Variants in CAST observed in about 807,000 individuals in gnomAD.
The protein encoded by CAST is MIR583 host.
Under a neutral mutation model 119.6 loss-of-function variants are expected in CAST, and 76 were observed. That is an observed-to-expected ratio of 0.64 (90% CI 0.53 to 0.77). The LOEUF is 0.77. Among genes scored for constraint, CAST ranks in the 30% least tolerant of loss-of-function variants. The probability of loss-of-function intolerance (pLI) is 0.00; values close to 1 mark genes in which losing one functional copy is unlikely to be tolerated. For synonymous variants in CAST, 319 were observed against 331.6 expected (o/e 0.96, Z 0.41); for missense variants, 953 against 946.5 (o/e 1.01, Z -0.09).
chr5:96,608,795 G>A (rs1370862914), intron 1 of CAST, among the ~76,000 whole-genome samples: 2 of 152,180 alleles, frequency 1.3e-5, no homozygotes, highest in Non-Finnish European at 2.9e-5. Flanking sequence ...GGAATGTGAA[G>A]AGGAAGGAGG....
At chr5:96,135,708 C>T in the CAST span, among the ~76,000 whole-genome samples, 1 of 152,092 alleles carries the variant, frequency 6.6e-6, no homozygotes, top group East Asian at 1.9e-4. Context: ...TCCTCACCTC[C>T]AACCTCCATT....
At chr5:96,640,306 G>GAA (rs753745046) in intron 1 of CAST, among the ~76,000 whole-genome samples, 2 of 152,172 alleles carry the variant, frequency 1.3e-5, no homozygotes, top group Admixed American at 6.5e-5. Flanking sequence ...TCTAGAGATG[G>GAA]AAGGATGGAT....
intron 3 of CAST, among the ~76,000 whole-genome samples, chr5:96,699,201 T>C (rs1480144849): frequency 6.6e-6 from 1 of 152,244 alleles, no homozygotes; most frequent in Non-Finnish European, 1.5e-5. Flanking sequence ...CCATAACCAG[T>C]CATGCAATTT....
the CAST span, among the ~76,000 whole-genome samples, chr5:96,511,729 C>T: frequency 2.0e-5 from 3 of 152,236 alleles, no homozygotes; most frequent in Non-Finnish European, 2.9e-5. Flanking sequence ...CAACACTAGC[C>T]TCTGGGCTTC....
At chr5:96,451,306 T>A in the CAST span, among the ~76,000 whole-genome samples, 1 of 152,014 alleles carries the variant, frequency 6.6e-6, no homozygotes, top group Non-Finnish European at 1.5e-5. Flanking sequence ...AATAAATAAG[T>A]AAAGTAATAC....
the CAST span, among the ~76,000 whole-genome samples, chr5:96,316,848 G>T: frequency 6.6e-6 from 1 of 152,136 alleles, no homozygotes; most frequent in African/African-American, 2.4e-5. Flanking sequence ...TAACTTAATT[G>T]CCAAGTAAAT....
chr5:96,516,368 TA>T, the CAST span, among the ~76,000 whole-genome samples: 250 of 149,490 alleles, frequency 1.7e-3, 6 homozygotes, highest in East Asian at 0.043. Flanking sequence ...TATGTGAAAA[TA>T]AAAAAAAAAT....
chr5:96,676,401 A>T (rs952080656), intron 2 of CAST, among the ~76,000 whole-genome samples: 1 of 152,146 alleles, frequency 6.6e-6, no homozygotes, highest in Non-Finnish European at 1.5e-5. Context: ...TATCAACATT[A>T]ATCAGGTGTT....
chr5:96,408,227 C>T, the CAST span: 2 of 1,612,010 alleles, frequency 1.2e-6, no homozygotes, highest in South Asian at 2.2e-5. Flanking sequence ...CCTTACTTTG[C>T]TTCCAGGGCC....
chr5:96,477,271 G>A, the CAST span, among the ~76,000 whole-genome samples: 1 of 150,436 alleles, frequency 6.6e-6, no homozygotes, highest in East Asian at 2.0e-4. Context: ...AAAGATGCAA[G>A]GTAGAGAGAA....
chr5:96,672,709 A>AAG (rs1750256122), intron 1 of CAST, among the ~76,000 whole-genome samples: 2 of 148,852 alleles, frequency 1.3e-5, no homozygotes, highest in African/African-American at 5.0e-5. Flanking sequence ...TCAGTCTCAA[A>AAG]AAAAAAAAAA....
chr5:96,088,500 C>T, the CAST span, among the ~76,000 whole-genome samples: 164 of 152,262 alleles, frequency 1.1e-3, no homozygotes, highest in African/African-American at 3.9e-3. Context: ...GAATGTGTGG[C>T]GGCAGAATTC....
the CAST span, among the ~76,000 whole-genome samples, chr5:96,185,026 C>CT: frequency 6.6e-6 from 1 of 152,130 alleles, no homozygotes; most frequent in African/African-American, 2.4e-5. Context: ...TGTTTTTTGA[C>CT]TTTTTAATAA....
the CAST span, among the ~76,000 whole-genome samples, chr5:96,244,813 C>T: frequency 3.3e-5 from 5 of 151,950 alleles, no homozygotes; most frequent in South Asian, 2.1e-4. Context: ...TTTTAAGTGG[C>T]GTCTATTCAT....
the CAST span, among the ~76,000 whole-genome samples, chr5:96,468,303 G>A: frequency 7.2e-5 from 11 of 152,104 alleles, no homozygotes; most frequent in Admixed American, 6.5e-4. Context: ...GGTGACAGGT[G>A]CGCTAAAATC....
At chr5:96,217,353 T>C in the CAST span, among the ~76,000 whole-genome samples, 1 of 149,346 alleles carries the variant, frequency 6.7e-6, no homozygotes. Context: ...ATTAAATTTT[T>C]TTTTTTTAAC....
At chr5:96,203,873 A>G in the CAST span, among the ~76,000 whole-genome samples, 6 of 152,150 alleles carry the variant, frequency 3.9e-5, no homozygotes, top group Non-Finnish European at 8.8e-5. Flanking sequence ...AAAAGTTGGT[A>G]CTAAACTTGG....
At chr5:96,320,326 C>G in the CAST span, among the ~76,000 whole-genome samples, 4 of 148,828 alleles carry the variant, frequency 2.7e-5, no homozygotes, top group Admixed American at 6.8e-5. Flanking sequence ...CAACCTCTGC[C>G]TCCTGGGTTC....
the CAST span, among the ~76,000 whole-genome samples, chr5:96,132,877 A>C: frequency 1.3e-5 from 2 of 152,212 alleles, no homozygotes; most frequent in African/African-American, 4.8e-5. Flanking sequence ...ACTGGACTTT[A>C]TAGTAAGTTC....
Sources: allele counts gnomAD v4.1 joint callset (sites outside exome capture counted in the v4.1 genomes callset), GRCh38; gene constraint gnomAD v4.1.1; transcripts MANE v1.5; gene names NCBI Gene and HGNC (gene_info 2026-07-23, HGNC 2026-07-21).